The following CPLANE1 variants were observed in gnomAD, a reference collection of about 807,000 sequenced individuals.
CPLANE1 encodes the protein ciliogenesis and planar polarity effector 1.
In CPLANE1, 263 loss-of-function variants were observed where a neutral mutation model predicts 362.5. The observed-to-expected ratio is 0.73, with a 90% CI of 0.66 to 0.80. The LOEUF (loss-of-function observed/expected upper bound fraction) is 0.80, where lower values mean the gene tolerates loss of function less well. Ranked by LOEUF, CPLANE1 falls within the 30% of genes least tolerant of loss-of-function variation. The pLI is 0.00. For synonymous variants in CPLANE1, 1,212 were observed against 1,302.6 expected (o/e 0.93, Z 1.50); for missense variants, 3,461 against 3,793.4 (o/e 0.91, Z 2.30).
intron 51 of CPLANE1, among the ~76,000 whole-genome samples, chr5:37,112,740 T>A (rs1160318369): frequency 6.6e-6 from 1 of 152,210 alleles, no homozygotes; most frequent in Non-Finnish European, 1.5e-5. Flanking sequence ...TCTACTTGTG[T>A]CAATTTGTGA....
At chr5:37,092,130 C>T in the CPLANE1 span, among the ~76,000 whole-genome samples, 1 of 152,194 alleles carries the variant, frequency 6.6e-6, no homozygotes, top group Admixed American at 6.5e-5. Context: ...CTTTCTTTCG[C>T]CCTGTCACCT....
rs1757721488 is a variant in CPLANE1 at position 37,106,848 on chromosome 5, T to C, written c.*754A>G. ...TTGAAGGATACTGGTTCTTAGTCAATTCTCATAAAAATTATCTCTTAAAAC... is the reference window on the plus strand; with the variant it reads ...TTGAAGGATACTGGTTCTTAGTCAACTCTCATAAAAATTATCTCTTAAAAC... On this transcript the variant is annotated 3_prime_UTR_variant, in exon 53 of 53. Transcript: ENST00000651892. 1.1e-5 allele frequency: 11 copies of C among 983,990 alleles called. No homozygotes were observed. The highest frequency in any genetic ancestry group is 1.3e-5 in the Non-Finnish European group (11 of 828,714). 61.0% of individuals were successfully genotyped at this position (983,990 alleles called of 1,614,324 possible). A position where few individuals can be genotyped will look rare whatever the true frequency, so the allele number is the denominator to read the frequency against.
At chr5:37,114,463 T>G (rs1760299427) in intron 51 of CPLANE1, among the ~76,000 whole-genome samples, 4 of 152,202 alleles carry the variant, frequency 2.6e-5, no homozygotes, top group Admixed American at 6.5e-5. Context: ...GGTTAGAAAT[T>G]TGCGTAAGGT....
chr5:37,100,508 G>T, the CPLANE1 span, among the ~76,000 whole-genome samples: 1 of 152,178 alleles, frequency 6.6e-6, no homozygotes, highest in Non-Finnish European at 1.5e-5. Flanking sequence ...TTTGGTTACT[G>T]TAGCTTTGTA....
Position 37,173,775 on chromosome 5 carries a change from C to CA in CPLANE1, c.6150dup (p.Glu2051Ter). ...CTTACCTGAACTAATTTAAACATTT[C>CA]ATCTTGCAGCATCTGCCTAACGGAC... On this transcript the variant is annotated frameshift_variant, in exon 32 of 53. Transcript: ENST00000651892. LOFTEE classifies it high-confidence loss of function. 1 of 1,614,094 alleles carries CA rather than the reference C, an allele frequency of 6.2e-7. No homozygotes were observed. Among genetic ancestry groups the CA allele is most frequent in the Non-Finnish European group, 8.5e-7 (1 of 1,179,990 alleles).
chr5:37,084,926 T>C, the CPLANE1 span: 84 of 483,150 alleles, frequency 1.7e-4, no homozygotes, highest in Non-Finnish European at 2.8e-4. Flanking sequence ...AGACATTTCA[T>C]GCAAATGGAC....
chr5:37,130,058 T>C (rs572997767), intron 46 of CPLANE1, among the ~76,000 whole-genome samples: 1 of 152,254 alleles, frequency 6.6e-6, no homozygotes, highest in East Asian at 1.9e-4. Context: ...TGTCATACTA[T>C]TCAGCCATAA....
intron 12 of CPLANE1, among the ~76,000 whole-genome samples, 180 bp downstream of exon 12, chr5:37,226,124 G>T (rs1796427435): frequency 6.6e-6 from 1 of 152,048 alleles, no homozygotes; most frequent in Non-Finnish European, 1.5e-5. Flanking sequence ...TCTTTCTGGG[G>T]TGATAAAAAC....
chr5:37,113,564 C>T (rs528679621), intron 51 of CPLANE1, among the ~76,000 whole-genome samples: 6 of 152,186 alleles, frequency 3.9e-5, no homozygotes, highest in Admixed American at 6.5e-5. Flanking sequence ...TGGGTTTTAA[C>T]GCATACATGG....
chr5:37,109,032 AG>A (rs1398045336), intron 51 of CPLANE1, among the ~76,000 whole-genome samples: 4 of 152,206 alleles, frequency 2.6e-5, no homozygotes, highest in Non-Finnish European at 5.9e-5. Flanking sequence ...CAAACCAATA[AG>A]GTTTCTCTGC....
chr5:37,156,545 C>G (rs980432401), intron 41 of CPLANE1, among the ~76,000 whole-genome samples: 1 of 152,068 alleles, frequency 6.6e-6, no homozygotes, highest in Non-Finnish European at 1.5e-5. Flanking sequence ...TTCAAGGCTA[C>G]AGTGAACTAT....
At chr5:37,210,653 G>C (rs1792330210) in intron 16 of CPLANE1, 1 of 1,594,780 alleles carries the variant, frequency 6.3e-7, no homozygotes, top group Admixed American at 1.7e-5. Context: ...TGAATGAAAA[G>C]GTTAAAGTGA....
chr5:37,210,285 G>C, intron 16 of CPLANE1: 2 of 1,588,248 alleles, frequency 1.3e-6, no homozygotes, highest in East Asian at 2.2e-5. Flanking sequence ...GCAAAGAGTT[G>C]AAGCTTTTGA....
chr5:37,134,289 GT>G (rs1422448294), intron 46 of CPLANE1, among the ~76,000 whole-genome samples: 1 of 152,110 alleles, frequency 6.6e-6, no homozygotes, highest in Non-Finnish European at 1.5e-5. Context: ...TGGTTGGTGG[GT>G]TTTTTATTAC....
Position 37,140,765 on chromosome 5 carries a change from A to G in CPLANE1, c.8633-1395T>C. On this transcript the variant is annotated intron_variant, in intron 44 of 52. Coordinates refer to ENST00000651892, the MANE Select transcript of CPLANE1 (RefSeq NM_001384732.1). ...TAAGTAACAAGTTGCCCTTTCTCCT[A>G]TTAGTAACCCAGGATCACTAACCCA... 5 of 985,434 alleles carry G rather than the reference A, an allele frequency of 5.1e-6. No individual in the cohort carries two copies. The South Asian group carries it at 1.9e-4, about 37-fold the overall frequency. The allele number at this position is 985,434 out of a possible 1,614,324, so 61.0% of individuals were successfully genotyped here.
At chr5:37,206,841 A>T (rs1790904741) in intron 16 of CPLANE1, among the ~76,000 whole-genome samples, 1 of 152,020 alleles carries the variant, frequency 6.6e-6, no homozygotes, top group South Asian at 2.1e-4. Flanking sequence ...GCAATTTATT[A>T]CTGTGGGATG....
At chr5:37,214,219 C>T (rs1793410306) in intron 15 of CPLANE1, among the ~76,000 whole-genome samples, 1 of 152,184 alleles carries the variant, frequency 6.6e-6, no homozygotes, top group African/African-American at 2.4e-5. Context: ...AATCCCAGCA[C>T]TTTGGAAGGC....
At chr5:37,108,901 G>A (rs1052880409) in intron 51 of CPLANE1, among the ~76,000 whole-genome samples, 2 of 152,168 alleles carry the variant, frequency 1.3e-5, no homozygotes, top group Non-Finnish European at 2.9e-5. Flanking sequence ...TTAGGCAAAG[G>A]CATCACAGTG....
chr5:37,179,495 T>C (rs999919535), intron 28 of CPLANE1, 52 bp from the exon 29 acceptor site: 3 of 1,271,466 alleles, frequency 2.4e-6, no homozygotes, highest in Admixed American at 2.0e-5. Flanking sequence ...AAATAAGCTA[T>C]TGACTTTTTA....
Sources: gnomAD v4.1 joint callset for allele counts (sites outside exome capture counted in the v4.1 genomes callset) on GRCh38, gnomAD v4.1.1 for gene constraint, MANE v1.5 for transcripts, NCBI Gene and HGNC (gene_info 2026-07-23, HGNC 2026-07-21) for gene names.